Variants in GHRHR observed in about 807,000 individuals in gnomAD.
The protein encoded by GHRHR is growth hormone-releasing hormone receptor.
Under a neutral mutation model 58.3 loss-of-function variants are expected in GHRHR, and 40 were observed. The observed-to-expected ratio is 0.69, with a 90% CI of 0.53 to 0.89. The LOEUF (loss-of-function observed/expected upper bound fraction) is 0.89, where lower values mean the gene tolerates loss of function less well. Ranked by LOEUF, GHRHR falls within the 40% of genes least tolerant of loss-of-function variation. The probability of loss-of-function intolerance (pLI) is 0.00; values close to 1 mark genes in which losing one functional copy is unlikely to be tolerated. For synonymous variants in GHRHR, 249 were observed against 216.6 expected (o/e 1.15, Z -1.31); for missense variants, 551 against 541.3 (o/e 1.02, Z -0.18).
rs906777877 is a variant in GHRHR at position 30,963,960 on chromosome 7, A to T, written c.-109A>T. 2.0e-6 allele frequency: 2 copies of T among 1,020,046 alleles called. No homozygotes were observed. Among genetic ancestry groups the T allele is most frequent in the Non-Finnish European group, 3.0e-6 (2 of 669,234 alleles). The allele number at this position is 1,020,046 out of a possible 1,614,324, so 63.2% of individuals were successfully genotyped here. A position where few individuals can be genotyped will look rare whatever the true frequency, so the allele number is the denominator to read the frequency against. On this transcript the variant is annotated 5_prime_UTR_variant, in exon 1 of 13. Transcript: ENST00000326139. ...CTGCCTATGCAAACAGCCACCTGAG[A>T]AGGGGAAGCAGAGGGTGCGGTGGAA... is the stretch of plus-strand genomic sequence containing the variant.
At chr7:30,970,381 G>A (rs775953018) in intron 4 of GHRHR, among the ~76,000 whole-genome samples, 1 of 152,246 alleles carries the variant, frequency 6.6e-6, no homozygotes, top group Non-Finnish European at 1.5e-5. Flanking sequence ...AGCCCAGGGT[G>A]ATTGCAGAGA....
intron 3 of GHRHR, 35 bp from the exon 4 acceptor site, chr7:30,969,832 G>A (rs754906142): frequency 6.2e-7 from 1 of 1,610,622 alleles, no homozygotes; most frequent in Non-Finnish European, 8.5e-7. Flanking sequence ...GGAGAGGGAA[G>A]GAGTTGTGGC....
chr7:30,976,110 G>A, intron 10 of GHRHR: 2 of 579,236 alleles, frequency 3.5e-6, no homozygotes, highest in Admixed American at 6.0e-5. Context: ...ATTTCTATGG[G>A]AGCCTGGGGA....
chr7:30,974,480 A>G lies in GHRHR; in HGVS notation c.803A>G (p.Glu268Gly). 1 of 1,611,858 alleles carries G rather than the reference A, an allele frequency of 6.2e-7. No homozygotes were observed. The highest frequency in any genetic ancestry group is 1.1e-5 in the South Asian group (1 of 91,038). The change falls in exon 8 of 13, where the codon GAG becomes GGG. Residue 268 changes from glutamate (E) to glycine (G), a missense_variant. By Grantham distance (98) the Glu-to-Gly change is moderately conservative. Transcript: ENST00000326139. ...GTWVSCKLAFEDIACWDLDDT... is the reference protein window; with the variant it reads ...GTWVSCKLAFGDIACWDLDDT... ...TGGGTGAGCTGCAAACTGGCCTTCGAGGACATCGCGTGAGTCGGAGCGGCC... is the reference window on the plus strand; with the variant it reads ...TGGGTGAGCTGCAAACTGGCCTTCGGGGACATCGCGTGAGTCGGAGCGGCC...
At chr7:30,968,992 C>A in intron 2 of GHRHR, 56 bp downstream of exon 2, 1 of 1,547,590 alleles carries the variant, frequency 6.5e-7, no homozygotes, top group Non-Finnish European at 8.9e-7. Context: ...ATCCTCCAGC[C>A]TCACCCCTCG....
rs764172835 is a variant in GHRHR at position 30,974,440 on chromosome 7, C to A, written c.763C>A (p.Leu255Ile). The A allele has an allele frequency of 6.2e-7, 1 of 1,611,554 alleles. No individual in the cohort carries two copies. ...LVLAGWGLPVLFTGTWVSCKL... is the reference protein window; with the variant it reads ...LVLAGWGLPVIFTGTWVSCKL... ...CTGTACTCCTGTAGGGCTGCCCGTG[C>A]TCTTCACTGGCACGTGGGTGAGCTG... Residue 255 changes from leucine (L) to isoleucine (I), a missense_variant, in exon 8 of 13, where the codon CTC becomes ATC. Physicochemically the swap from Leu to Ile is conservative, Grantham distance 5. Transcript: ENST00000326139.
chr7:30,971,323 C>A (rs974807573), intron 5 of GHRHR, 107 bp downstream of exon 5: 1 of 707,784 alleles, frequency 1.4e-6, no homozygotes, highest in Non-Finnish European at 2.6e-6. Context: ...CAGATCTAGG[C>A]GCCATACCCA....
chr7:30,975,693 C>A, intron 9 of GHRHR, 84 bp from the exon 10 acceptor site: 1 of 789,374 alleles, frequency 1.3e-6, no homozygotes, highest in South Asian at 1.4e-5. Context: ...ATTTTCTAGT[C>A]CCCAAATGGG....
intron 3 of GHRHR, among the ~76,000 whole-genome samples, 174 bp downstream of exon 3, chr7:30,969,344 T>G (rs554963225): frequency 6.6e-6 from 1 of 151,918 alleles, no homozygotes; most frequent in South Asian, 2.1e-4. Context: ...AGCTGTGAAC[T>G]GGGGAGAACA....
chr7:30,969,885 G>A lies in GHRHR; in HGVS notation c.287G>A (p.Cys96Tyr), dbSNP rs1405091373. The change falls in exon 4 of 13, where the codon TGT becomes TAT. Residue 96 changes from cysteine (C) to tyrosine (Y), a missense_variant. Transcript: ENST00000326139. The part of the protein sequence containing the change: ...SSESGAVKRD[C>Y]TITGWSEPFP... The stretch of plus-strand genomic sequence containing the variant: ...CTCCCAGGGGCTGTGAAACGGGATT[G>A]TACTATCACTGGCTGGTCTGAGCCC... 5 of 1,612,160 alleles carry A rather than the reference G, an allele frequency of 3.1e-6. No homozygotes were observed. The highest frequency in any genetic ancestry group is 1.1e-5 in the South Asian group (1 of 91,048).
At position 30,969,046 on chromosome 7, in the gene GHRHR, C is replaced by T. The variant is rs2128597227; in HGVS notation, c.161-17C>T. The T allele has an allele frequency of 6.4e-7, 1 of 1,571,258 alleles. No homozygotes were observed. Among genetic ancestry groups the T allele is most frequent in the Admixed American group, 1.9e-5 (1 of 53,768 alleles). On this transcript the variant is annotated splice_polypyrimidine_tract_variant and intron_variant, in intron 2 of 12. Coordinates refer to ENST00000326139, the MANE Select transcript of GHRHR (RefSeq NM_000823.4). The stretch of plus-strand genomic sequence containing the variant: ...GCACCTGGGCTGAGTCTCTGCTGCT[C>T]CTGGCTCTCTATCCAGGCTGCCCTG...
chr7:30,965,441 C>T (rs778295619), intron 1 of GHRHR, among the ~76,000 whole-genome samples: 11 of 152,100 alleles, frequency 7.2e-5, no homozygotes, highest in Non-Finnish European at 1.2e-4. Flanking sequence ...GACTGGGAGC[C>T]CCAGGATGTG....
rs886043578 is a variant in GHRHR, at chr7:30,971,982, A to G, written c.484A>G (p.Asn162Asp). The change falls in exon 6 of 13, where the codon AAC becomes GAC. Residue 162 changes from asparagine to aspartate, a missense_variant. Transcript: ENST00000326139. ...CCCCAGGAGGCTCCACTGCCCCCGG[A>G]ACTACGTCCACACCCAGCTGTTCAC... ...VALRRLHCPR[N>D]YVHTQLFTTF... is the part of the protein sequence containing the mutation. The G allele has an allele frequency of 3.1e-6, 5 of 1,613,900 alleles. No individual in the cohort carries two copies. Among genetic ancestry groups the G allele is most frequent in the Admixed American group, 3.3e-5 (2 of 59,994 alleles).
Position 30,971,016 on chromosome 7 carries a change from T to A in GHRHR, c.367-103T>A, listed in dbSNP as rs1320356788. ...GACACCTCTGCCTCCAGATGGGGAG[T>A]GTTGGGGTGGAATGGCAAAGGCTTC... On this transcript the variant is annotated intron_variant, in intron 4 of 12. Coordinates refer to ENST00000326139, the MANE Select transcript of GHRHR (RefSeq NM_000823.4). The A allele has an allele frequency of 2.4e-5, 17 of 709,192 alleles. No homozygotes were observed. In the Admixed American group the frequency reaches 3.2e-4, roughly 13 times the overall value. The allele number at this position is 709,192 out of a possible 1,614,324, so 43.9% of individuals were successfully genotyped here. A position where few individuals can be genotyped will look rare whatever the true frequency, so the allele number is the denominator to read the frequency against.
intron 12 of GHRHR, 30 bp downstream of exon 12, chr7:30,977,352 G>A: frequency 6.2e-7 from 1 of 1,604,936 alleles, no homozygotes; most frequent in African/African-American, 1.3e-5. Context: ...ATCCCTCATG[G>A]AGTCCCCCTC....
chr7:30,971,873 C>T, intron 5 of GHRHR, 90 bp from the exon 6 acceptor site: 1 of 1,195,722 alleles, frequency 8.4e-7, no homozygotes, highest in Non-Finnish European at 1.2e-6. Flanking sequence ...TGATTCGATT[C>T]ACCTCCTGCC....
intron 12 of GHRHR, among the ~76,000 whole-genome samples, chr7:30,978,699 G>A (rs1792633069): frequency 6.6e-6 from 1 of 152,054 alleles, no homozygotes; most frequent in Admixed American, 6.5e-5. Context: ...CCCTCAGACA[G>A]AGTTCTGAAT....
intron 3 of GHRHR, 121 bp downstream of exon 3, chr7:30,969,291 G>A: frequency 1.4e-6 from 1 of 726,124 alleles, no homozygotes; most frequent in East Asian, 2.7e-5. Context: ...CCTCTTCTGG[G>A]GTGACCTCGG....
At chr7:30,976,746 A>G (rs1792593121) in intron 11 of GHRHR, among the ~76,000 whole-genome samples, 188 bp downstream of exon 11, 2 of 151,986 alleles carry the variant, frequency 1.3e-5, no homozygotes, top group Non-Finnish European at 2.9e-5. Context: ...GCATTCTTCC[A>G]TCCATCCATC....
Sources: allele counts gnomAD v4.1 joint callset (sites outside exome capture counted in the v4.1 genomes callset), GRCh38; gene constraint gnomAD v4.1.1; transcripts MANE v1.5; gene names NCBI Gene and HGNC (gene_info 2026-07-23, HGNC 2026-07-21).